Variants in CADM2 observed in about 807,000 individuals in gnomAD.
CADM2 encodes cell adhesion molecule 2.
A neutral mutation model predicts 49.8 loss-of-function variants in CADM2; 12 were observed. The ratio of observed to expected loss-of-function variants is 0.24; its 90% CI spans 0.15 to 0.39. The LOEUF is 0.39. Among genes scored for constraint, CADM2 ranks in the 10% least tolerant of loss-of-function variants. The probability of loss-of-function intolerance (pLI) is 1.00; values close to 1 mark genes in which losing one functional copy is unlikely to be tolerated. For missense variants in CADM2, 378 were observed against 492.3 expected (o/e 0.77, Z 2.20); for synonymous variants, 214 against 175.4 (o/e 1.22, Z -1.74).
intron 1 of CADM2, among the ~76,000 whole-genome samples, chr3:85,354,820 C>T (rs889494953): frequency 4.0e-5 from 6 of 151,868 alleles, no homozygotes; most frequent in Non-Finnish European, 7.4e-5. Flanking sequence ...GTAAGCATTT[C>T]GAGGGGGTTA....
At chr3:85,736,651 T>C (rs1464540795) in intron 2 of CADM2, among the ~76,000 whole-genome samples, 5 of 152,192 alleles carry the variant, frequency 3.3e-5, no homozygotes, top group Non-Finnish European at 7.3e-5. Context: ...TTTTCAATTA[T>C]TATTATTTCC....
intron 8 of CADM2, among the ~76,000 whole-genome samples, chr3:86,018,448 G>A (rs1030350827): frequency 5.9e-5 from 9 of 151,684 alleles, no homozygotes; most frequent in African/African-American, 9.7e-5. Flanking sequence ...CTGAGGAATC[G>A]CCACACTGAC....
At chr3:85,655,311 C>A (rs1299357724) in intron 1 of CADM2, among the ~76,000 whole-genome samples, 1 of 152,050 alleles carries the variant, frequency 6.6e-6, no homozygotes, top group Non-Finnish European at 1.5e-5. Flanking sequence ...CAGGCATCCG[C>A]CACCACGCCC....
rs1464055979 is a variant in CADM2, at chr3:85,995,014, T to TTAAAAAAAAAAAA, written c.970+33367_970+33368insTAAAAAAAAAAAA. ...GGGTTGCCACAAATCTTCGATTTGTTAAAAAAAAAAAAAAAAAAAATCATT... is the reference window on the plus strand; with the variant it reads ...GGGTTGCCACAAATCTTCGATTTGTTTAAAAAAAAAAAAAAAAAAAAAAAAAAAAAAAATCATT... On this transcript the variant is annotated intron_variant, in intron 8 of 9. Transcript: ENST00000383699. Among the ~76,000 whole-genome samples the TTAAAAAAAAAAAA allele has an allele frequency of 8.4e-5, 7 of 83,020 alleles. No individual in the cohort carries two copies. In the East Asian group the frequency reaches 3.0e-3, roughly 36 times the overall value. The allele number at this position is 83,020 out of a possible 152,430, so 54.5% of individuals were successfully genotyped here.
At chr3:86,043,904 C>T (rs1231236317) in intron 8 of CADM2, among the ~76,000 whole-genome samples, 3 of 152,146 alleles carry the variant, frequency 2.0e-5, no homozygotes, top group African/African-American at 7.2e-5. Flanking sequence ...AGAAATAGTG[C>T]TGCATATCTA....
At chr3:86,059,095 C>CAAA (rs10712762) in intron 8 of CADM2, among the ~76,000 whole-genome samples, 2 of 128,592 alleles carry the variant, frequency 1.6e-5, no homozygotes, top group Non-Finnish European at 1.7e-5. Flanking sequence ...CTCCATCTTA[C>CAAA]AAAAAAAAAA....
chr3:85,383,360 A>G (rs2034008558), intron 1 of CADM2, among the ~76,000 whole-genome samples: 1 of 152,012 alleles, frequency 6.6e-6, no homozygotes, highest in Non-Finnish European at 1.5e-5. Flanking sequence ...AAATTAGACA[A>G]TTTCAAAAAT....
At chr3:85,741,455 G>T (rs1577205242) in intron 2 of CADM2, among the ~76,000 whole-genome samples, 1 of 152,114 alleles carries the variant, frequency 6.6e-6, no homozygotes, top group Admixed American at 6.6e-5. Flanking sequence ...GGATCACAAG[G>T]TCAGGAGTTC....
chr3:85,553,907 A>G (rs1039847305), intron 1 of CADM2, among the ~76,000 whole-genome samples: 1 of 152,244 alleles, frequency 6.6e-6, no homozygotes, highest in Non-Finnish European at 1.5e-5. Flanking sequence ...TGTTTGAATC[A>G]GAAAAGCTCC....
chr3:85,658,515 T>C (rs2107602442), intron 1 of CADM2, among the ~76,000 whole-genome samples: 1 of 148,858 alleles, frequency 6.7e-6, no homozygotes, highest in South Asian at 2.1e-4. Context: ...TCTGTCTATC[T>C]ATCTACCTAT....
chr3:85,582,728 A>G (rs1215237625), intron 1 of CADM2, among the ~76,000 whole-genome samples: 2 of 152,166 alleles, frequency 1.3e-5, no homozygotes, highest in South Asian at 2.1e-4. Context: ...ACTGGGCATA[A>G]CATTTGAACT....
intron 7 of CADM2, among the ~76,000 whole-genome samples, chr3:85,942,484 C>A (rs9876301): frequency 0.22 from 26,913 of 123,080 alleles, 1,371 homozygotes; most frequent in African/African-American, 0.31. Flanking sequence ...TCCCTCCCCC[C>A]TCCCCCCACC....
chr3:85,449,153 G>A (rs1410016856), intron 1 of CADM2, among the ~76,000 whole-genome samples: 1 of 150,470 alleles, frequency 6.6e-6, no homozygotes, highest in Non-Finnish European at 1.5e-5. Context: ...TGTATATAAA[G>A]AGATAATTCA....
chr3:85,156,911 A>G (rs1162239486), intron 1 of CADM2, among the ~76,000 whole-genome samples: 3 of 152,178 alleles, frequency 2.0e-5, no homozygotes, highest in African/African-American at 7.2e-5. Context: ...CCCTGTTTGC[A>G]GACGACATGA....
At chr3:85,652,795 T>TTTTTTTC (rs1559571397) in intron 1 of CADM2, among the ~76,000 whole-genome samples, 8 of 143,084 alleles carry the variant, frequency 5.6e-5, no homozygotes, top group African/African-American at 2.1e-4. Flanking sequence ...TTTTTTTTTT[T>TTTTTTTC]TAGACAGAGT....
rs969736918 is a variant in CADM2, at chr3:85,976,891, A to G, written c.970+15244A>G. On this transcript the variant is annotated intron_variant, in intron 8 of 9. Coordinates refer to ENST00000383699, the MANE Select transcript of CADM2 (RefSeq NM_001167675.2). ...GGATGTTGTTTTGAAGTGGATTAAC[A>G]ATTATTAAAACTACTCATCTTTTTA... Among the ~76,000 whole-genome samples, 9 of 151,700 alleles carry G rather than the reference A, an allele frequency of 5.9e-5. No individual in the cohort carries two copies. The South Asian group carries it at 1.0e-3, about 17-fold the overall frequency.
At chr3:85,638,949 G>A (rs2064613045) in intron 1 of CADM2, among the ~76,000 whole-genome samples, 2 of 152,094 alleles carry the variant, frequency 1.3e-5, no homozygotes, top group African/African-American at 4.8e-5. Flanking sequence ...AAGAAGAAAA[G>A]AGACGAGTAA....
chr3:85,539,486 A>G (rs2107022008), intron 1 of CADM2, among the ~76,000 whole-genome samples: 1 of 152,188 alleles, frequency 6.6e-6, no homozygotes, highest in Non-Finnish European at 1.5e-5. Flanking sequence ...ACATATCCCT[A>G]GCACCCCTAC....
At chr3:85,705,132 C>G (rs1413098201) in intron 1 of CADM2, among the ~76,000 whole-genome samples, 1 of 150,120 alleles carries the variant, frequency 6.7e-6, no homozygotes, top group Non-Finnish European at 1.5e-5. Flanking sequence ...TCCCAAAGTG[C>G]TGGGATCACA....
Sources: gnomAD v4.1 joint callset for allele counts (sites outside exome capture counted in the v4.1 genomes callset) on GRCh38, gnomAD v4.1.1 for gene constraint, MANE v1.5 for transcripts, NCBI Gene and HGNC (gene_info 2026-07-23, HGNC 2026-07-21) for gene names.